The following CNTNAP3B variants were observed in gnomAD, a reference collection of about 807,000 sequenced individuals.
CNTNAP3B encodes the protein contactin-associated protein-like 3B.
A neutral mutation model predicts 108.9 loss-of-function variants in CNTNAP3B; 25 were observed. The observed-to-expected ratio is 0.23, with a 90% confidence interval of 0.17 to 0.32. The LOEUF (loss-of-function observed/expected upper bound fraction) is 0.32. CNTNAP3B is among the 10% of genes least tolerant of loss of function. CNTNAP3B has a pLI of 1.00. For missense variants in CNTNAP3B, 252 were observed against 1,210.4 expected, an observed-to-expected ratio of 0.21 and a Z score of 11.75; for synonymous variants, 103 against 473.4, an observed-to-expected ratio of 0.22 and a Z score of 10.16.
intron 11 of CNTNAP3B, among the ~76,000 whole-genome samples, chr9:41,961,238 C>G (rs199907250): frequency 6.6e-6 from 1 of 150,780 alleles, no homozygotes; most frequent in African/African-American, 2.5e-5. Flanking sequence ...AGTGGGAATG[C>G]GATACTATCT....
Position 42,121,594 on chromosome 9 carries a change from C to G in CNTNAP3B, c.85+7416G>C. 1.4e-5 allele frequency among the ~76,000 whole-genome samples: 2 copies of G among 139,152 alleles called. 1 individual carries two copies. Among genetic ancestry groups the G allele is most frequent in the East Asian group, 4.4e-4 (2 of 4,584 alleles). 91.3% of individuals were successfully genotyped at this position (139,152 alleles called of 152,430 possible). On this transcript the variant is annotated intron_variant, in intron 1 of 23. Coordinates refer to ENST00000377561, the MANE Select transcript of CNTNAP3B (RefSeq NM_001201380.3). ...TGTCACAGCAATTCTTCCTCATATC[C>G]CAGAAAAAAGAAGAAATGAGGACAG...
intron 3 of CNTNAP3B, among the ~76,000 whole-genome samples, chr9:42,055,034 T>C (rs1246935704): frequency 9.2e-5 from 13 of 141,606 alleles, no homozygotes; most frequent in South Asian, 6.8e-4. Context: ...AGGTTTTATA[T>C]CAGTATACTG....
At chr9:41,983,102 C>A (rs1433756497) in intron 9 of CNTNAP3B, among the ~76,000 whole-genome samples, 1 of 131,360 alleles carries the variant, frequency 7.6e-6, no homozygotes, top group African/African-American at 3.1e-5. Context: ...ATGCTCATTA[C>A]CTGGGTGATG....
chr9:41,919,236 G>A (rs960602955), intron 18 of CNTNAP3B, among the ~76,000 whole-genome samples: 4 of 152,060 alleles, frequency 2.6e-5, no homozygotes, highest in African/African-American at 4.8e-5. Context: ...CCGGGTTCAA[G>A]CAATTCTCCT....
chr9:42,123,606 CAGA>C (rs1346877007), intron 1 of CNTNAP3B, among the ~76,000 whole-genome samples: 2 of 130,632 alleles, frequency 1.5e-5, no homozygotes, highest in African/African-American at 6.2e-5. Flanking sequence ...CTCAAGGTTG[CAGA>C]AGATTTGAGC....
intron 2 of CNTNAP3B, among the ~76,000 whole-genome samples, chr9:42,085,275 AAC>A (rs1827680166): frequency 6.6e-6 from 1 of 151,510 alleles, no homozygotes; most frequent in Non-Finnish European, 1.5e-5. Context: ...AAAACCAGGA[AAC>A]GATGTATCTA....
chr9:42,084,080 C>A (rs570549999), intron 2 of CNTNAP3B, among the ~76,000 whole-genome samples: 1 of 148,898 alleles, frequency 6.7e-6, no homozygotes, highest in South Asian at 2.1e-4. Context: ...AGAAAGAGCC[C>A]TAAAGGTTAA....
intron 1 of CNTNAP3B, among the ~76,000 whole-genome samples, chr9:42,117,448 G>C (rs1365376242): frequency 7.1e-6 from 1 of 139,950 alleles, no homozygotes; most frequent in South Asian, 2.3e-4. Context: ...CAAAATGAAG[G>C]CAGAAATAAA....
At chr9:42,125,665 G>GTTTTTTTTTTTTTTTTT (rs200934708) in intron 1 of CNTNAP3B, among the ~76,000 whole-genome samples, 3 of 118,972 alleles carry the variant, frequency 2.5e-5, no homozygotes, top group African/African-American at 3.5e-5. Context: ...TACATTTTTT[G>GTTTTTTTTTTTTTTTTT]TTTTTTTTTT....
chr9:42,070,728 G>A (rs1473949268), intron 3 of CNTNAP3B, among the ~76,000 whole-genome samples: 27 of 152,264 alleles, frequency 1.8e-4, no homozygotes, highest in South Asian at 6.2e-4. Context: ...AGTGCTGATC[G>A]GCAGATCTCC....
At chr9:42,125,683 T>G (rs1218644616) in intron 1 of CNTNAP3B, among the ~76,000 whole-genome samples, 1 of 135,008 alleles carries the variant, frequency 7.4e-6, no homozygotes, top group Non-Finnish European at 1.6e-5. Context: ...TTTTTTGTTT[T>G]TTTTTGAGAC....
intron 12 of CNTNAP3B, among the ~76,000 whole-genome samples, chr9:41,958,207 A>G (rs1198111859): frequency 6.6e-6 from 1 of 152,174 alleles, no homozygotes; most frequent in East Asian, 1.9e-4. Flanking sequence ...TCCCAGGCTC[A>G]AGCGATCCTC....
At chr9:42,051,722 CT>C (rs1196622698) in intron 3 of CNTNAP3B, among the ~76,000 whole-genome samples, 2 of 148,386 alleles carry the variant, frequency 1.3e-5, no homozygotes, top group Non-Finnish European at 3.0e-5. Flanking sequence ...GGCCGTTTAA[CT>C]TTTTTTATTA....
At chr9:41,942,138 C>T (rs892048694) in intron 13 of CNTNAP3B, among the ~76,000 whole-genome samples, 1 of 152,274 alleles carries the variant, frequency 6.6e-6, no homozygotes, top group Non-Finnish European at 1.5e-5. Context: ...GGTCACAGTC[C>T]AGGAAGACAG....
At chr9:42,044,574 G>A (rs1403701979) in intron 3 of CNTNAP3B, among the ~76,000 whole-genome samples, 1 of 120,794 alleles carries the variant, frequency 8.3e-6, no homozygotes, top group Non-Finnish European at 1.8e-5. Flanking sequence ...GAAACAAGGA[G>A]CGCACAGGCT....
intron 2 of CNTNAP3B, among the ~76,000 whole-genome samples, chr9:42,093,503 T>C (rs1270527173): frequency 1.1e-5 from 1 of 88,564 alleles, no homozygotes; most frequent in African/African-American, 4.2e-5. Context: ...TTGAACTGTT[T>C]TATATGTAAA....
At chr9:42,068,108 A>C (rs572955148) in intron 3 of CNTNAP3B, among the ~76,000 whole-genome samples, 1 of 128,672 alleles carries the variant, frequency 7.8e-6, no homozygotes, top group Admixed American at 7.9e-5. Context: ...TGATTTGTCA[A>C]TGTCACTGAT....
intron 10 of CNTNAP3B, among the ~76,000 whole-genome samples, chr9:41,967,826 C>T (rs547825578): frequency 2.6e-5 from 4 of 152,382 alleles, no homozygotes; most frequent in African/African-American, 9.6e-5. Flanking sequence ...ATTTGTAGCC[C>T]TATTTGAAAA....
intron 14 of CNTNAP3B, among the ~76,000 whole-genome samples, chr9:41,930,180 C>T (rs1226856651): frequency 6.6e-6 from 1 of 152,256 alleles, no homozygotes; most frequent in Non-Finnish European, 1.5e-5. Flanking sequence ...ACATACTACA[C>T]CCTTATAAGT....
Sources: gnomAD v4.1 joint callset for allele counts (sites outside exome capture counted in the v4.1 genomes callset) on GRCh38, gnomAD v4.1.1 for gene constraint, MANE v1.5 for transcripts, NCBI Gene and HGNC (gene_info 2026-07-23, HGNC 2026-07-21) for gene names.